Variants in MAGI2 observed in about 807,000 individuals in gnomAD.
MAGI2 encodes membrane associated guanylate kinase, WW and PDZ domain containing 2, also known as membrane-associated guanylate kinase, WW and PDZ domain-containing protein 2.
MAGI2 carries 35 observed loss-of-function variants against 133.3 expected under a neutral mutation model. The ratio of observed to expected loss-of-function variants is 0.26; its 90% CI spans 0.20 to 0.35. The LOEUF (loss-of-function observed/expected upper bound fraction) is 0.35. MAGI2 is among the 10% of genes least tolerant of loss of function. The pLI, the probability that MAGI2 is intolerant of heterozygous loss-of-function variation, is 1.00. For synonymous variants in MAGI2, 729 were observed against 710.6 expected (o/e 1.03, Z -0.41); for missense variants, 1,636 against 1,863.4 (o/e 0.88, Z 2.25).
At chr7:78,623,243 A>C (rs1186720347) in intron 3 of MAGI2, among the ~76,000 whole-genome samples, 3 of 151,906 alleles carry the variant, frequency 2.0e-5, no homozygotes, top group African/African-American at 7.3e-5. Flanking sequence ...TAATCATGTT[A>C]CTCTTTTAAT....
At chr7:78,065,011 A>C (rs968091167) in intron 21 of MAGI2, among the ~76,000 whole-genome samples, 6 of 152,068 alleles carry the variant, frequency 3.9e-5, no homozygotes, top group Non-Finnish European at 5.9e-5. Flanking sequence ...TGGGCCCTTA[A>C]AATTTTTTTT....
At chr7:78,372,351 A>T (rs1397913180) in intron 6 of MAGI2, among the ~76,000 whole-genome samples, 1 of 152,204 alleles carries the variant, frequency 6.6e-6, no homozygotes. Flanking sequence ...GATTAGTTTA[A>T]AAAAACAAAA....
chr7:78,645,687 GTTT>G (rs1302198974), intron 2 of MAGI2, among the ~76,000 whole-genome samples: 1 of 149,684 alleles, frequency 6.7e-6, no homozygotes, highest in African/African-American at 2.5e-5. Context: ...TTTACGTGAA[GTTT>G]TTAAGTGTGT....
intron 2 of MAGI2, among the ~76,000 whole-genome samples, chr7:78,930,369 TA>T (rs1355113782): frequency 2.0e-5 from 3 of 152,226 alleles, no homozygotes; most frequent in East Asian, 1.9e-4. Context: ...TCACAACCAG[TA>T]AATTAGCCCA....
intron 16 of MAGI2, among the ~76,000 whole-genome samples, chr7:78,150,970 A>G (rs189260720): frequency 8.6e-5 from 13 of 152,034 alleles, no homozygotes; most frequent in Admixed American, 6.5e-4. Flanking sequence ...CTAGCAGAGT[A>G]AAATGTTTGC....
At chr7:78,066,993 GC>G (rs1194576596) in intron 21 of MAGI2, among the ~76,000 whole-genome samples, 1 of 152,216 alleles carries the variant, frequency 6.6e-6, no homozygotes, top group African/African-American at 2.4e-5. Flanking sequence ...TTTGGGTTTT[GC>G]CACATGGGGT....
At chr7:79,279,291 C>A (rs1835455370) in intron 1 of MAGI2, among the ~76,000 whole-genome samples, 1 of 152,112 alleles carries the variant, frequency 6.6e-6, no homozygotes, top group Non-Finnish European at 1.5e-5. Context: ...CTGGTTAATT[C>A]TCTTCCTCTG....
chr7:78,308,408 A>C (rs1265866666), intron 9 of MAGI2, among the ~76,000 whole-genome samples: 3 of 152,206 alleles, frequency 2.0e-5, no homozygotes, highest in Non-Finnish European at 4.4e-5. Flanking sequence ...CTATTTCTGC[A>C]TACTGAAGTG....
chr7:79,315,708 A>G (rs2129561126), intron 1 of MAGI2, among the ~76,000 whole-genome samples: 1 of 152,264 alleles, frequency 6.6e-6, no homozygotes, highest in African/African-American at 2.4e-5. Context: ...GAAAGGAGAT[A>G]TTGTTAATGG....
chr7:79,405,976 A>G (rs1845780072), intron 1 of MAGI2, among the ~76,000 whole-genome samples: 3 of 151,474 alleles, frequency 2.0e-5, no homozygotes, highest in South Asian at 2.1e-4. Context: ...AAATAAGAAT[A>G]ACTTAAGCCA....
intron 9 of MAGI2, among the ~76,000 whole-genome samples, chr7:78,274,451 C>G (rs539724029): frequency 6.6e-6 from 1 of 152,328 alleles, no homozygotes; most frequent in African/African-American, 2.4e-5. Context: ...TGTCCCTTAA[C>G]AGAGCTCAAA....
chr7:79,385,085 A>G (rs1844077948), intron 1 of MAGI2, among the ~76,000 whole-genome samples: 1 of 151,874 alleles, frequency 6.6e-6, no homozygotes, highest in African/African-American at 2.4e-5. Context: ...TCTTATAGAC[A>G]GAAGGTTTAA....
At chr7:79,133,803 C>T (rs1417415650) in intron 1 of MAGI2, among the ~76,000 whole-genome samples, 3 of 152,118 alleles carry the variant, frequency 2.0e-5, no homozygotes, top group Non-Finnish European at 4.4e-5. Context: ...AGGCAAGATA[C>T]CCGCTCAAAG....
At chr7:79,346,362 T>A (rs1841312778) in intron 1 of MAGI2, among the ~76,000 whole-genome samples, 1 of 151,980 alleles carries the variant, frequency 6.6e-6, no homozygotes, top group South Asian at 2.1e-4. Context: ...GTTTTCAGAG[T>A]ATAAAATTTA....
intron 3 of MAGI2, among the ~76,000 whole-genome samples, chr7:78,531,553 G>C (rs1490899138): frequency 6.6e-6 from 1 of 152,110 alleles, no homozygotes; most frequent in South Asian, 2.1e-4. Context: ...CAATGCTTAA[G>C]AGACAATCCC....
intron 1 of MAGI2, among the ~76,000 whole-genome samples, chr7:79,207,807 C>A (rs910475433): frequency 6.6e-6 from 1 of 151,916 alleles, no homozygotes; most frequent in Non-Finnish European, 1.5e-5. Context: ...CCTTAGCAAC[C>A]AAAACATCAT....
chr7:78,156,961 T>C (rs1365646194), intron 16 of MAGI2, among the ~76,000 whole-genome samples: 1 of 152,238 alleles, frequency 6.6e-6, no homozygotes, highest in Non-Finnish European at 1.5e-5. Context: ...CTTAAGTACC[T>C]GATAGCATAA....
intron 3 of MAGI2, among the ~76,000 whole-genome samples, chr7:78,537,497 T>A (rs1475674413): frequency 2.0e-5 from 3 of 152,172 alleles, no homozygotes; most frequent in African/African-American, 7.2e-5. Context: ...ACCACATCCA[T>A]GCCAACATCT....
intron 3 of MAGI2, among the ~76,000 whole-genome samples, chr7:78,562,991 T>A (rs891714046): frequency 1.4e-5 from 2 of 145,370 alleles, no homozygotes; most frequent in Non-Finnish European, 3.1e-5. Context: ...GAGTTTCTTT[T>A]TTGTTGTTTT....
Sources: allele counts gnomAD v4.1 joint callset (sites outside exome capture counted in the v4.1 genomes callset), GRCh38; gene constraint gnomAD v4.1.1; transcripts MANE v1.5; gene names NCBI Gene and HGNC (gene_info 2026-07-23, HGNC 2026-07-21).